CLINT1: variants seen among roughly 807,000 people sequenced by gnomAD.
CLINT1 encodes the protein clathrin interactor 1.
Under a neutral mutation model 70.4 loss-of-function variants are expected in CLINT1, and 15 were observed. That is an observed-to-expected ratio of 0.21 (90% CI 0.14 to 0.33). The LOEUF (loss-of-function observed/expected upper bound fraction) is 0.33. Ranked by LOEUF, CLINT1 falls within the 10% of genes least tolerant of loss-of-function variation. CLINT1 has a pLI of 1.00. For synonymous variants in CLINT1, 227 were observed against 254.7 expected, an observed-to-expected ratio of 0.89 and a Z score of 1.04; for missense variants, 615 against 778.1, an observed-to-expected ratio of 0.79 and a Z score of 2.49.
chr5:157,843,290 TAAAAC>T (rs1316044165), intron 1 of CLINT1, among the ~76,000 whole-genome samples: 1 of 151,960 alleles, frequency 6.6e-6, no homozygotes, highest in East Asian at 1.9e-4. Flanking sequence ...ACTAAAGAAA[TAAAAC>T]AAAAGTAAAG....
chr5:157,817,557 A>G lies in CLINT1; in HGVS notation c.42-10T>C. ...CATAACAACATTGGTGCTGTAGAGG[A>G]AAAAAATGCACGCACACATGCACAA... On this transcript the variant is annotated splice_polypyrimidine_tract_variant and intron_variant, in intron 1 of 11. Transcript: ENST00000411809. 1 of 1,531,154 alleles carries G rather than the reference A, an allele frequency of 6.5e-7. No homozygotes were observed. The highest frequency in any genetic ancestry group is 8.9e-7 in the Non-Finnish European group (1 of 1,118,690). The allele number at this position is 1,531,154 out of a possible 1,614,324, so 94.8% of individuals were successfully genotyped here.
intron 1 of CLINT1, among the ~76,000 whole-genome samples, chr5:157,842,199 T>G (rs532101749): frequency 6.6e-6 from 1 of 152,384 alleles, no homozygotes; most frequent in Non-Finnish European, 1.5e-5. Context: ...CACTATTGTG[T>G]AAGTTATGCA....
intron 1 of CLINT1, among the ~76,000 whole-genome samples, chr5:157,847,858 G>A (rs2113321416): frequency 6.6e-6 from 1 of 152,238 alleles, no homozygotes; most frequent in Non-Finnish European, 1.5e-5. Context: ...CATTGCCCAG[G>A]CCGGAGTACA....
At chr5:157,856,632 G>A (rs996921224) in intron 1 of CLINT1, among the ~76,000 whole-genome samples, 2 of 152,186 alleles carry the variant, frequency 1.3e-5, no homozygotes, top group African/African-American at 4.8e-5. Context: ...CTTACATTTG[G>A]GGGGAAGAAT....
chr5:157,811,041 G>T (rs1762539907), intron 5 of CLINT1, among the ~76,000 whole-genome samples: 1 of 152,020 alleles, frequency 6.6e-6, no homozygotes, highest in Non-Finnish European at 1.5e-5. Flanking sequence ...AACCAGGATG[G>T]TTTTTTTAAA....
rs538500372 is a variant in CLINT1 at position 157,828,811 on chromosome 5, G to A, written c.42-11264C>T. On this transcript the variant is annotated intron_variant, in intron 1 of 11. Coordinates refer to ENST00000411809, the MANE Select transcript of CLINT1 (RefSeq NM_014666.4). ...GCATAGATAAAAACTAAAAAGGGCC[G>A]GGCACGGTGGCTCACACCTGTAATC... Among the ~76,000 whole-genome samples the A allele has an allele frequency of 2.9e-3, 442 of 151,660 alleles. 2 individuals are homozygous for A. Among genetic ancestry groups the A allele is most frequent in the Non-Finnish European group, 5.4e-3 (369 of 67,912 alleles).
chr5:157,810,318 G>A (rs894284176), intron 5 of CLINT1, among the ~76,000 whole-genome samples: 3 of 152,110 alleles, frequency 2.0e-5, no homozygotes, highest in Admixed American at 6.6e-5. Context: ...TAACTGTCAC[G>A]CCTCAGTATC....
chr5:157,835,007 C>T lies in CLINT1; in HGVS notation c.42-17460G>A, dbSNP rs897842457. Among the ~76,000 whole-genome samples the T allele has an allele frequency of 5.3e-5, 8 of 152,122 alleles. No homozygotes were observed. In the East Asian group the frequency reaches 1.2e-3, roughly 22 times the overall value. On this transcript the variant is annotated intron_variant, in intron 1 of 11. Coordinates refer to ENST00000411809, the MANE Select transcript of CLINT1 (RefSeq NM_014666.4). ...TGAACATTAGCAGAGGAGCAAAAAA[C>T]GTGAGTTGTCCAGAGCACACATTCC...
chr5:157,842,939 G>A (rs1045539988), intron 1 of CLINT1, among the ~76,000 whole-genome samples: 1 of 152,070 alleles, frequency 6.6e-6, no homozygotes, highest in Admixed American at 6.6e-5. Context: ...AAAGTTAATC[G>A]ATTTTGTTTT....
At chr5:157,794,866 C>A (rs1289886139) in intron 9 of CLINT1, 32 bp downstream of exon 9, 1 of 1,527,194 alleles carries the variant, frequency 6.5e-7, no homozygotes. Context: ...TTTTACCACC[C>A]TAGACTTCTG....
At chr5:157,798,618 T>C (rs1762129699) in intron 8 of CLINT1, among the ~76,000 whole-genome samples, 1 of 152,088 alleles carries the variant, frequency 6.6e-6, no homozygotes. Flanking sequence ...TTATTATCTA[T>C]AATACACAAG....
At chr5:157,808,021 T>C (rs527587861) in intron 6 of CLINT1, among the ~76,000 whole-genome samples, 1 of 152,286 alleles carries the variant, frequency 6.6e-6, no homozygotes, top group South Asian at 2.1e-4. Flanking sequence ...AACTTATTTT[T>C]AGCACTTTGA....
chr5:157,812,805 A>G (rs1762603722), intron 5 of CLINT1, among the ~76,000 whole-genome samples: 2 of 152,168 alleles, frequency 1.3e-5, no homozygotes, highest in African/African-American at 4.8e-5. Flanking sequence ...ATCTGTTTTA[A>G]TCTCTGTATG....
chr5:157,848,739 G>A (rs983160120), intron 1 of CLINT1, among the ~76,000 whole-genome samples: 2 of 152,170 alleles, frequency 1.3e-5, no homozygotes, highest in Admixed American at 6.5e-5. Context: ...TTGGCTCACC[G>A]CAACCTCTGC....
At chr5:157,816,222 T>C (rs1256597706) in intron 3 of CLINT1, among the ~76,000 whole-genome samples, 1 of 152,128 alleles carries the variant, frequency 6.6e-6, no homozygotes, top group Non-Finnish European at 1.5e-5. Context: ...TATAGAAGCA[T>C]AGATGACTAT....
intron 8 of CLINT1, among the ~76,000 whole-genome samples, chr5:157,802,951 TTAA>T (rs1367722799): frequency 6.6e-6 from 1 of 152,278 alleles, no homozygotes; most frequent in Non-Finnish European, 1.5e-5. Context: ...GTGACTCTGA[TTAA>T]TGATTATTTT....
At chr5:157,840,834 C>T (rs1484324875) in intron 1 of CLINT1, among the ~76,000 whole-genome samples, 7 of 151,976 alleles carry the variant, frequency 4.6e-5, no homozygotes, top group Non-Finnish European at 5.9e-5. Context: ...CCCAGGAGTT[C>T]GGAGTTCGAG....
intron 10 of CLINT1, 89 bp from the exon 11 acceptor site, chr5:157,789,602 T>A: frequency 6.4e-7 from 1 of 1,564,226 alleles, no homozygotes; most frequent in Non-Finnish European, 8.8e-7. Flanking sequence ...AAATTAAGCA[T>A]CTGTTCTATA....
chr5:157,848,623 C>A (rs1753463847), intron 1 of CLINT1, among the ~76,000 whole-genome samples: 1 of 151,816 alleles, frequency 6.6e-6, no homozygotes, highest in African/African-American at 2.4e-5. Flanking sequence ...CGTGCCTCAA[C>A]CTCCCAAGTA....
Sources: gnomAD v4.1 joint callset for allele counts (sites outside exome capture counted in the v4.1 genomes callset) on GRCh38, gnomAD v4.1.1 for gene constraint, MANE v1.5 for transcripts, NCBI Gene and HGNC (gene_info 2026-07-23, HGNC 2026-07-21) for gene names.